IL19: variants seen among roughly 807,000 people sequenced by gnomAD.
The protein encoded by IL19 is interleukin 19.
A neutral mutation model predicts 19.5 loss-of-function variants in IL19; 15 were observed. The ratio of observed to expected loss-of-function variants is 0.77; its 90% CI spans 0.52 to 1.19. The LOEUF is 1.19. Among genes scored for constraint, IL19 ranks in the 50% most tolerant of loss-of-function variants. IL19 has a pLI of 0.00. For synonymous variants in IL19, 78 were observed against 78.3 expected, an observed-to-expected ratio of 1.00 and a Z score of 0.02; for missense variants, 199 against 213.1, an observed-to-expected ratio of 0.93 and a Z score of 0.41.
intron 2 of IL19, among the ~76,000 whole-genome samples, chr1:206,828,678 A>G (rs950996035): frequency 1.3e-5 from 2 of 152,358 alleles, no homozygotes; most frequent in African/African-American, 4.8e-5. Flanking sequence ...AGAAGGAAAC[A>G]AAAAGTTGTC....
At chr1:206,830,799 G>T (rs898443762) in intron 2 of IL19, among the ~76,000 whole-genome samples, 2 of 152,098 alleles carry the variant, frequency 1.3e-5, no homozygotes, top group Non-Finnish European at 2.9e-5. Flanking sequence ...GGATGGTCTC[G>T]ATCTCCTGAC....
intron 2 of IL19, among the ~76,000 whole-genome samples, chr1:206,834,706 A>C (rs183454540): frequency 2.4e-4 from 37 of 152,302 alleles, no homozygotes; most frequent in African/African-American, 8.9e-4. Context: ...ATGTGTTATC[A>C]TTGTTTAATC....
chr1:206,783,668 A>G (rs1462245516), intron 1 of IL19, among the ~76,000 whole-genome samples: 1 of 152,098 alleles, frequency 6.6e-6, no homozygotes, highest in Non-Finnish European at 1.5e-5. Flanking sequence ...CCTGGGTCCA[A>G]GTGTTCTGTT....
intron 5 of IL19, 117 bp from the exon 6 acceptor site, chr1:206,840,887 A>C: frequency 2.5e-6 from 2 of 811,476 alleles, no homozygotes; most frequent in South Asian, 3.1e-5. Flanking sequence ...GAGTTTACTC[A>C]TCTGACTCTC....
At chr1:206,777,105 C>T (rs577944768) in intron 1 of IL19, among the ~76,000 whole-genome samples, 10 of 151,818 alleles carry the variant, frequency 6.6e-5, no homozygotes, top group Admixed American at 3.9e-4. Flanking sequence ...GTGGCAGGTG[C>T]CTGTAGTCCC....
intron 1 of IL19, among the ~76,000 whole-genome samples, chr1:206,779,302 C>T (rs1675076863): frequency 1.3e-5 from 2 of 152,340 alleles, no homozygotes; most frequent in South Asian, 4.1e-4. Context: ...CACGCCCTCA[C>T]CTGTTTACCC....
chr1:206,824,487 C>T lies in IL19; in HGVS notation c.-2-12174C>T, dbSNP rs572124322. Among the ~76,000 whole-genome samples the T allele has an allele frequency of 5.6e-4, 85 of 152,238 alleles. 1 individual carries two copies. In the South Asian group the frequency reaches 0.015, roughly 26 times the overall value. On this transcript the variant is annotated intron_variant, in intron 2 of 6. Coordinates refer to ENST00000659997, the MANE Select transcript of IL19 (RefSeq NM_153758.5). ...TTAAGTTTATGTTTCTTGCATCTGCCGATTCAAAAACATGTATGGCATTTC... is the reference window on the plus strand; with the variant it reads ...TTAAGTTTATGTTTCTTGCATCTGCTGATTCAAAAACATGTATGGCATTTC...
chr1:206,794,620 C>T (rs147539806), intron 1 of IL19, among the ~76,000 whole-genome samples: 4 of 152,278 alleles, frequency 2.6e-5, no homozygotes, highest in East Asian at 1.9e-4. Context: ...GAACTGGGCT[C>T]ATTGCTTCTT....
chr1:206,780,740 AT>A (rs1467355406), intron 1 of IL19, among the ~76,000 whole-genome samples: 1 of 152,166 alleles, frequency 6.6e-6, no homozygotes. Context: ...TCTGAATGCA[AT>A]TCTTTTTCAG....
At chr1:206,806,844 T>TAAG (rs1675859916) in intron 2 of IL19, among the ~76,000 whole-genome samples, 2 of 152,230 alleles carry the variant, frequency 1.3e-5, no homozygotes, top group African/African-American at 4.8e-5. Context: ...AGCCATTTTG[T>TAAG]ACATGTCATC....
chr1:206,820,290 G>A (rs1676261946), intron 2 of IL19, among the ~76,000 whole-genome samples: 1 of 152,186 alleles, frequency 6.6e-6, no homozygotes, highest in African/African-American at 2.4e-5. Flanking sequence ...TCCCGCTTGA[G>A]GTTGACATCA....
At chr1:206,825,625 G>A (rs1196609251) in intron 2 of IL19, among the ~76,000 whole-genome samples, 2 of 152,152 alleles carry the variant, frequency 1.3e-5, no homozygotes, top group Non-Finnish European at 2.9e-5. Flanking sequence ...TGACCTTTCT[G>A]ATTTTTCTCT....
At chr1:206,784,076 T>A (rs1675208371) in intron 1 of IL19, among the ~76,000 whole-genome samples, 1 of 152,192 alleles carries the variant, frequency 6.6e-6, no homozygotes, top group Admixed American at 6.5e-5. Flanking sequence ...TCTGAGGATG[T>A]TACAGGGAGA....
chr1:206,777,767 A>AT (rs1218969010), intron 1 of IL19, among the ~76,000 whole-genome samples: 3 of 152,208 alleles, frequency 2.0e-5, no homozygotes, highest in Non-Finnish European at 4.4e-5. Flanking sequence ...ATTAGTAGTT[A>AT]TTTTTTAAAG....
At chr1:206,792,240 T>G (rs947836190) in intron 1 of IL19, among the ~76,000 whole-genome samples, 1 of 152,184 alleles carries the variant, frequency 6.6e-6, no homozygotes, top group Non-Finnish European at 1.5e-5. Context: ...TGCTGAGTGT[T>G]CCTGAGTCAG....
At chr1:206,793,528 C>A (rs1675453891) in intron 1 of IL19, among the ~76,000 whole-genome samples, 1 of 152,224 alleles carries the variant, frequency 6.6e-6, no homozygotes, top group South Asian at 2.1e-4. Flanking sequence ...TCGCTCAGAC[C>A]TCTGTCAAGG....
At chr1:206,819,867 A>G (rs1676250880) in intron 2 of IL19, among the ~76,000 whole-genome samples, 1 of 152,222 alleles carries the variant, frequency 6.6e-6, no homozygotes, top group South Asian at 2.1e-4. Context: ...AAAGACTAAG[A>G]GAAGCTTGAA....
intron 1 of IL19, among the ~76,000 whole-genome samples, chr1:206,783,929 T>A (rs1367067022): frequency 1.3e-5 from 2 of 152,238 alleles, no homozygotes; most frequent in East Asian, 3.9e-4. Flanking sequence ...GGATGAATAC[T>A]TGACATACAG....
At chr1:206,834,258 A>T (rs1243245205) in intron 2 of IL19, 1 of 985,336 alleles carries the variant, frequency 1.0e-6, no homozygotes, top group East Asian at 1.1e-4. Flanking sequence ...AGGGGAAAAA[A>T]CAATCTCCCC....
Sources: gnomAD v4.1 joint callset for allele counts (sites outside exome capture counted in the v4.1 genomes callset) on GRCh38, gnomAD v4.1.1 for gene constraint, MANE v1.5 for transcripts, NCBI Gene and HGNC (gene_info 2026-07-23, HGNC 2026-07-21) for gene names.